Variants in IGF1R observed in about 807,000 individuals in gnomAD.
IGF1R encodes insulin-like growth factor 1 receptor.
In IGF1R, 44 loss-of-function variants were observed where a neutral mutation model predicts 144.6. That is an observed-to-expected ratio of 0.30 (90% CI 0.24 to 0.39). IGF1R has a LOEUF of 0.39. IGF1R is among the 10% of genes least tolerant of loss of function. The pLI, the probability that IGF1R is intolerant of heterozygous loss-of-function variation, is 1.00. For missense variants in IGF1R, 1,355 were observed against 1,833.7 expected, an observed-to-expected ratio of 0.74 and a Z score of 4.77; for synonymous variants, 795 against 722.8, an observed-to-expected ratio of 1.10 and a Z score of -1.60.
intron 2 of IGF1R, among the ~76,000 whole-genome samples, chr15:98,888,444 T>TGTGA (rs2013748350): frequency 7.0e-6 from 1 of 142,696 alleles, no homozygotes; most frequent in East Asian, 2.0e-4. Context: ...AGAGAGTGTG[T>TGTGA]GTGTGTGTGT....
chr15:98,768,763 C>CA lies in IGF1R; in HGVS notation c.640+60674dup, dbSNP rs72476452. ...TGAAACCCCGTCTCTACTAAAAATACAAAAAAAAAAAAAAAAAAGCCGGGC... is the reference window on the plus strand; with the variant it reads ...TGAAACCCCGTCTCTACTAAAAATACAAAAAAAAAAAAAAAAAAAGCCGGGC... On this transcript the variant is annotated intron_variant, in intron 2 of 20. Transcript: ENST00000650285. Among the ~76,000 whole-genome samples, 861 of 86,262 alleles carry CA rather than the reference C, an allele frequency of 1.0e-2. 43 individuals are homozygous for CA. The highest frequency in any genetic ancestry group is 0.036 in the African/African-American group (809 of 22,208). 56.6% of individuals were successfully genotyped at this position (86,262 alleles called of 152,430 possible).
rs531489631 is a variant in IGF1R at position 98,924,854 on chromosome 15, G to A, written c.2782+170G>A. ...CACATACCGGCACTGTGTGTGAAAG[G>A]TTGGGCAGGGCAGATGCCGAGCTTT... On this transcript the variant is annotated intron_variant, in intron 13 of 20. Transcript: ENST00000650285. 1.6e-4 allele frequency among the ~76,000 whole-genome samples: 24 copies of A among 152,316 alleles called. 1 individual carries two copies. The highest frequency in any genetic ancestry group is 9.7e-4 in the East Asian group (5 of 5,174).
rs34443123 is a variant in IGF1R at position 98,835,080 on chromosome 15, T to TACACACACACACACACACAC, written c.641-56234_641-56215dup. On this transcript the variant is annotated intron_variant, in intron 2 of 20. Coordinates refer to ENST00000650285, the MANE Select transcript of IGF1R (RefSeq NM_000875.5). Reference sequence around the variant, plus strand: ...GGCCAGGGCAAGAGAACACCCCCCCTACACACACACACACACACACACACA... The same window carrying TACACACACACACACACACAC: ...GGCCAGGGCAAGAGAACACCCCCCCTACACACACACACACACACACACACACACACACACACACACACACA... Among the ~76,000 whole-genome samples the TACACACACACACACACACAC allele has an allele frequency of 3.0e-3, 397 of 130,486 alleles. 2 individuals carry two copies. The highest frequency in any genetic ancestry group is 0.012 in the African/African-American group (358 of 30,766). 85.6% of individuals were successfully genotyped at this position (130,486 alleles called of 152,430 possible). A position where few individuals can be genotyped will look rare whatever the true frequency, so the allele number is the denominator to read the frequency against.
chr15:98,936,034 C>T (rs899813761), intron 17 of IGF1R, among the ~76,000 whole-genome samples: 2 of 152,174 alleles, frequency 1.3e-5, no homozygotes, highest in African/African-American at 4.8e-5. Context: ...TGATTTCCCA[C>T]CCAGCTCCGT....
At chr15:98,859,056 A>AGAAAGG (rs2011996315) in intron 2 of IGF1R, among the ~76,000 whole-genome samples, 1 of 152,116 alleles carries the variant, frequency 6.6e-6, no homozygotes, top group Admixed American at 6.5e-5. Flanking sequence ...CATCTAAGCA[A>AGAAAGG]GAAGTAAAAT....
chr15:98,716,522 C>G (rs1362078564), intron 2 of IGF1R, among the ~76,000 whole-genome samples: 1 of 152,198 alleles, frequency 6.6e-6, no homozygotes. Context: ...CTAATCTGTA[C>G]CTGCCACTGG....
At chr15:98,862,109 T>G (rs115316785) in intron 2 of IGF1R, among the ~76,000 whole-genome samples, 2,216 of 152,368 alleles carry the variant, frequency 0.015, 51 homozygotes, top group African/African-American at 0.051. Flanking sequence ...GTAGGGCTTA[T>G]GATGCTGGGA....
intron 2 of IGF1R, among the ~76,000 whole-genome samples, chr15:98,823,105 T>G (rs1567146792): frequency 6.6e-6 from 1 of 152,224 alleles, no homozygotes; most frequent in Non-Finnish European, 1.5e-5. Flanking sequence ...CATTGTGGTG[T>G]TGATTGAAAC....
intron 2 of IGF1R, among the ~76,000 whole-genome samples, chr15:98,764,821 A>G (rs939687452): frequency 6.6e-5 from 10 of 152,156 alleles, no homozygotes; most frequent in Admixed American, 3.3e-4. Context: ...TAAAATTCAT[A>G]TGACATAAAA....
At chr15:98,910,161 G>C (rs2014945227) in intron 6 of IGF1R, among the ~76,000 whole-genome samples, 1 of 152,116 alleles carries the variant, frequency 6.6e-6, no homozygotes, top group South Asian at 2.1e-4. Flanking sequence ...GACTGACCTA[G>C]GGCTGAACAG....
intron 2 of IGF1R, among the ~76,000 whole-genome samples, chr15:98,769,026 C>T (rs959834720): frequency 2.6e-5 from 4 of 152,148 alleles, no homozygotes; most frequent in African/African-American, 7.2e-5. Flanking sequence ...AATGCAAATC[C>T]ACTTAATATT....
In IGF1R at chr15:98,891,483, A is replaced by G. The variant is rs2013913226; in HGVS notation, c.799A>G (p.Asn267Asp). ...AGVCVPACPP[N>D]TYRFEGWRCV... ...TGTCTGTGTGCCTGCCTGCCCGCCC[A>G]ACACCTACAGGTTTGAGGGCTGGCG... The change falls in exon 3 of 21, where the codon AAC (asparagine) becomes GAC (aspartate). Residue 267 changes from asparagine (N) to aspartate (D), a missense_variant. Physicochemically the swap from Asn to Asp is conservative, Grantham distance 23. Coordinates refer to ENST00000650285, the MANE Select transcript of IGF1R (RefSeq NM_000875.5). The surrounding 1 kb of genome is among the most constrained non-coding windows in gnomAD (Gnocchi z 4.7). 1 of 1,613,938 alleles carries G rather than the reference A, an allele frequency of 6.2e-7. No individual in the cohort carries two copies. The highest frequency in any genetic ancestry group is 1.1e-5 in the South Asian group (1 of 91,088).
chr15:98,949,380 T>TTA (rs993515899), intron 20 of IGF1R, among the ~76,000 whole-genome samples: 1 of 22,330 alleles, frequency 4.5e-5, no homozygotes, highest in Non-Finnish European at 8.3e-5. Flanking sequence ...CTCACTGCAC[T>TTA]TTTTTTTTTT....
intron 2 of IGF1R, among the ~76,000 whole-genome samples, chr15:98,843,018 G>A (rs1170623316): frequency 2.0e-5 from 3 of 152,210 alleles, no homozygotes; most frequent in East Asian, 3.9e-4. Context: ...ATATTACCAC[G>A]GTTAGAATTT....
chr15:98,958,500 A>G lies in IGF1R; in HGVS notation c.*1058A>G, dbSNP rs1362221187. 2 of 232,638 alleles carry G rather than the reference A, an allele frequency of 8.6e-6. No homozygotes were observed. Among genetic ancestry groups the G allele is most frequent in the Admixed American group, 1.1e-4 (2 of 17,750 alleles). The allele number at this position is 232,638 out of a possible 1,614,324, so 14.4% of individuals were successfully genotyped here. On this transcript the variant is annotated 3_prime_UTR_variant, in exon 21 of 21. Coordinates refer to ENST00000650285, the MANE Select transcript of IGF1R (RefSeq NM_000875.5). ...GCAGGTTTGCAAGGAAAGAAATTCA[A>G]ACACCACAACAGCAGTAAGAAGAAA...
At chr15:98,724,771 G>A (rs1408619938) in intron 2 of IGF1R, among the ~76,000 whole-genome samples, 2 of 152,192 alleles carry the variant, frequency 1.3e-5, no homozygotes, top group Non-Finnish European at 2.9e-5. Context: ...GACAGAGGGA[G>A]CCCCGGATGC....
chr15:98,853,006 A>G (rs1221195427), intron 2 of IGF1R, among the ~76,000 whole-genome samples: 2 of 152,146 alleles, frequency 1.3e-5, no homozygotes, highest in Non-Finnish European at 2.9e-5. Context: ...CTTCCTCTTT[A>G]AATTGCTTGG....
intron 18 of IGF1R, among the ~76,000 whole-genome samples, chr15:98,942,485 C>T (rs372771052): frequency 1.3e-5 from 2 of 152,122 alleles, no homozygotes; most frequent in South Asian, 2.1e-4. Context: ...AGGCGCACAC[C>T]ACCACTCACA....
At chr15:98,896,678 C>T (rs2151651732) in intron 3 of IGF1R, 79 bp from the exon 4 acceptor site, 2 of 1,407,040 alleles carry the variant, frequency 1.4e-6, no homozygotes, top group Non-Finnish European at 2.0e-6. Flanking sequence ...CAATGAAAAG[C>T]ATATCCTTAT....
Sources: allele counts gnomAD v4.1 joint callset (sites outside exome capture counted in the v4.1 genomes callset), GRCh38; gene constraint gnomAD v4.1.1; non-coding constraint Gnocchi (gnomAD v3.1); transcripts MANE v1.5; gene names NCBI Gene and HGNC (gene_info 2026-07-23, HGNC 2026-07-21).